The following LPIN1 variants were observed in gnomAD, a reference collection of about 807,000 sequenced individuals.
The protein encoded by LPIN1 is phosphatidate phosphatase LPIN1.
Under a neutral mutation model 107.5 loss-of-function variants are expected in LPIN1, and 71 were observed. The observed-to-expected ratio is 0.66, with a 90% CI of 0.55 to 0.80. LPIN1 has a LOEUF of 0.80. LPIN1 is among the 30% of genes least tolerant of loss of function. The probability of loss-of-function intolerance (pLI) is 0.00; values close to 1 mark genes in which losing one functional copy is unlikely to be tolerated. For synonymous variants in LPIN1, 445 were observed against 452.6 expected (o/e 0.98, Z 0.21); for missense variants, 1,043 against 1,160.6 (o/e 0.90, Z 1.47).
chr2:11,683,600 G>A (rs565799133), intron 1 of LPIN1, among the ~76,000 whole-genome samples: 12 of 152,196 alleles, frequency 7.9e-5, no homozygotes, highest in South Asian at 6.2e-4. Flanking sequence ...TAACGGGTCC[G>A]CCCTTCTTTG....
rs368192459 is a variant in LPIN1 at position 11,697,295 on chromosome 2, C to T, written c.82-16461C>T. On this transcript the variant is annotated intron_variant, in intron 1 of 21. Transcript: ENST00000449576. The surrounding 1 kb of genome is among the most constrained non-coding windows in gnomAD (Gnocchi z 4.6). The stretch of plus-strand genomic sequence containing the variant: ...GCACTACCCAGATGCTTCCTGGCCT[C>T]GCCCAGCTCTTGTGCTCCTGGCAGC... Among the ~76,000 whole-genome samples the T allele has an allele frequency of 8.5e-5, 13 of 152,346 alleles. No individual in the cohort carries two copies. Among genetic ancestry groups the T allele is most frequent in the African/African-American group, 3.1e-4 (13 of 41,588 alleles).
chr2:11,781,843 A>G (rs1011427920), intron 7 of LPIN1, among the ~76,000 whole-genome samples: 1 of 152,188 alleles, frequency 6.6e-6, no homozygotes, highest in African/African-American at 2.4e-5. Context: ...TTAGTTTTGC[A>G]AGATTCATTC....
intron 2 of LPIN1, among the ~76,000 whole-genome samples, chr2:11,716,620 A>G (rs1475827214): frequency 6.6e-6 from 1 of 152,088 alleles, no homozygotes; most frequent in Non-Finnish European, 1.5e-5. Flanking sequence ...GCCGTGTGTC[A>G]GGTGCTATGA....
chr2:11,681,819 TG>T (rs1006032422), intron 1 of LPIN1, among the ~76,000 whole-genome samples: 6 of 152,186 alleles, frequency 3.9e-5, no homozygotes, highest in Non-Finnish European at 7.4e-5. Context: ...GTTTGCCACC[TG>T]GGTTCATTTG....
chr2:11,792,426 A>T, intron 13 of LPIN1: 1 of 238,098 alleles, frequency 4.2e-6, no homozygotes, highest in Non-Finnish European at 8.4e-6. Flanking sequence ...TCAGTCACCC[A>T]GGCTGGAGTG....
chr2:11,775,003 A>G (rs1672439263), intron 5 of LPIN1, among the ~76,000 whole-genome samples: 1 of 152,202 alleles, frequency 6.6e-6, no homozygotes, highest in Admixed American at 6.5e-5. Flanking sequence ...TTTTAAAGCT[A>G]TATTTCATTT....
intron 14 of LPIN1, among the ~76,000 whole-genome samples, chr2:11,802,552 C>G (rs1488027181): frequency 6.6e-6 from 1 of 152,158 alleles, no homozygotes; most frequent in Non-Finnish European, 1.5e-5. Context: ...GCTTGGCATG[C>G]AGTCTCAGAT....
intron 11 of LPIN1, among the ~76,000 whole-genome samples, chr2:11,787,814 G>T (rs1674915965): frequency 1.3e-5 from 2 of 152,040 alleles, no homozygotes; most frequent in Admixed American, 6.5e-5. Flanking sequence ...GGTGGCGGGC[G>T]CCTGTAGTTC....
chr2:11,804,533 T>G lies in LPIN1; in HGVS notation c.2124T>G (p.Asp708Glu). The stretch of plus-strand genomic sequence containing the variant: ...CCATCTATCTGTGGAACTGGGATGA[T>G]AAAGTCATCATTTCTGATATTGATG... ...EGTIYLWNWD[D>E]KVIISDIDGT... The change falls in exon 16 of 21, where the codon GAT (aspartate) becomes GAG (glutamate). Residue 708 changes from aspartate (D) to glutamate (E), a missense_variant. Physicochemically the swap from Asp to Glu is conservative, Grantham distance 45. Transcript: ENST00000674199. The G allele has an allele frequency of 6.2e-7, 1 of 1,614,222 alleles. No individual in the cohort carries two copies. Among genetic ancestry groups the G allele is most frequent in the Admixed American group, 1.7e-5 (1 of 60,022 alleles).
chr2:11,701,817 T>A (rs1419533672), intron 1 of LPIN1, among the ~76,000 whole-genome samples: 1 of 152,208 alleles, frequency 6.6e-6, no homozygotes, highest in South Asian at 2.1e-4. Context: ...AGAAAGCTGC[T>A]GGTATTATCC....
At chr2:11,709,469 C>T (rs1203590807) in intron 1 of LPIN1, among the ~76,000 whole-genome samples, 1 of 152,224 alleles carries the variant, frequency 6.6e-6, no homozygotes, top group Non-Finnish European at 1.5e-5. Context: ...GGGTTCTCCT[C>T]TCACATTTTG....
rs993236582 is a variant in LPIN1, at chr2:11,803,270, C to G, written c.2013+237C>G. ...TTTTGCTGGCCTGGCCCTGGAGGATCTAGTTTACTAGAGTTAGGAGGAAGG... is the reference window on the plus strand; with the variant it reads ...TTTTGCTGGCCTGGCCCTGGAGGATGTAGTTTACTAGAGTTAGGAGGAAGG... On this transcript the variant is annotated intron_variant, in intron 15 of 20. Transcript: ENST00000674199. The surrounding 1 kb of genome is among the most constrained non-coding windows in gnomAD (Gnocchi z 4.2). Among the ~76,000 whole-genome samples, 14 of 152,322 alleles carry G rather than the reference C, an allele frequency of 9.2e-5. 1 individual carries two copies. The highest frequency in any genetic ancestry group is 3.3e-4 in the Admixed American group (5 of 15,302).
intron 8 of LPIN1, among the ~76,000 whole-genome samples, chr2:11,783,142 T>C (rs1260870398): frequency 1.3e-5 from 2 of 152,084 alleles, no homozygotes; most frequent in African/African-American, 4.8e-5. Context: ...CTTCGTGTGG[T>C]TTTCTAGAAT....
At chr2:11,750,806 T>TAGAC (rs35155821) in intron 1 of LPIN1, among the ~76,000 whole-genome samples, 76,171 of 151,740 alleles carry the variant, frequency 0.5, 21,969 homozygotes, top group African/African-American at 0.8. Flanking sequence ...TGTCTCCTAA[T>TAGAC]AGTGCCCTGG....
At chr2:11,750,091 C>G (rs142424992) in intron 1 of LPIN1, among the ~76,000 whole-genome samples, 15 of 152,196 alleles carry the variant, frequency 9.9e-5, no homozygotes, top group African/African-American at 3.6e-4. Context: ...CCCTCCCCTC[C>G]CCGGCCTCGC....
chr2:11,787,836 G>A (rs1354123826), intron 11 of LPIN1, among the ~76,000 whole-genome samples: 3 of 151,950 alleles, frequency 2.0e-5, no homozygotes, highest in African/African-American at 4.8e-5. Flanking sequence ...AGCTACTCGG[G>A]AGGATGAGGC....
intron 1 of LPIN1, among the ~76,000 whole-genome samples, chr2:11,709,669 A>G (rs539284828): frequency 1.3e-5 from 2 of 152,352 alleles, no homozygotes; most frequent in Admixed American, 6.5e-5. Flanking sequence ...TACCGTTTCT[A>G]TATGAAAATG....
At chr2:11,699,404 G>A (rs140443547) in intron 1 of LPIN1, among the ~76,000 whole-genome samples, 5 of 152,300 alleles carry the variant, frequency 3.3e-5, no homozygotes, top group Admixed American at 6.5e-5. Context: ...CTTGACCGGC[G>A]CCCTGATGTC....
chr2:11,745,197 G>T (rs1666774032), upstream of LPIN1: 1 of 152,286 alleles, frequency 6.6e-6, no homozygotes, highest in Admixed American at 6.5e-5. Context: ...ACCTCCACCG[G>T]TTCCATTCAT....
Sources: gnomAD v4.1 joint callset for allele counts (sites outside exome capture counted in the v4.1 genomes callset) on GRCh38, gnomAD v4.1.1 for gene constraint, Gnocchi (gnomAD v3.1) non-coding constraint, MANE v1.5 for transcripts, NCBI Gene and HGNC (gene_info 2026-07-23, HGNC 2026-07-21) for gene names.